Variants in SLC9A9 observed in about 807,000 individuals in gnomAD.
SLC9A9 encodes sodium/hydrogen exchanger 9.
SLC9A9 carries 62 observed loss-of-function variants against 77.8 expected under a neutral mutation model. The observed-to-expected ratio is 0.80, with a 90% CI of 0.65 to 0.98. The LOEUF (loss-of-function observed/expected upper bound fraction) is 0.98. SLC9A9 is among the 50% of genes least tolerant of loss of function. SLC9A9 has a pLI of 0.00. For missense variants in SLC9A9, 775 were observed against 774.9 expected (o/e 1.00, Z 0.00); for synonymous variants, 320 against 283.5 (o/e 1.13, Z -1.29).
chr3:143,746,701 T>C (rs1281161240), intron 4 of SLC9A9, among the ~76,000 whole-genome samples: 2 of 152,324 alleles, frequency 1.3e-5, no homozygotes, highest in South Asian at 2.1e-4. Context: ...ATAATTTCTT[T>C]TCAGGGTGGT....
At chr3:143,421,429 A>G (rs2034294511) in intron 12 of SLC9A9, among the ~76,000 whole-genome samples, 1 of 152,222 alleles carries the variant, frequency 6.6e-6, no homozygotes, top group African/African-American at 2.4e-5. Flanking sequence ...GACCAACTGA[A>G]CAGAATAGAA....
intron 9 of SLC9A9, among the ~76,000 whole-genome samples, chr3:143,551,400 T>C (rs1176400703): frequency 6.6e-6 from 1 of 152,238 alleles, no homozygotes; most frequent in East Asian, 1.9e-4. Flanking sequence ...CTGCTGTCAC[T>C]GTATCCCACT....
At chr3:143,280,314 G>C (rs988653325) in intron 14 of SLC9A9, among the ~76,000 whole-genome samples, 6 of 152,168 alleles carry the variant, frequency 3.9e-5, no homozygotes, top group African/African-American at 1.4e-4. Context: ...AACCCATTGA[G>C]TTTGTTATAC....
At chr3:143,468,209 T>C (rs1036233369) in intron 11 of SLC9A9, among the ~76,000 whole-genome samples, 4 of 152,230 alleles carry the variant, frequency 2.6e-5, no homozygotes, top group Admixed American at 1.3e-4. Flanking sequence ...CTAGGTAGTA[T>C]AGTATTTGCA....
chr3:143,412,365 C>T (rs2034111807), intron 12 of SLC9A9, among the ~76,000 whole-genome samples: 1 of 152,182 alleles, frequency 6.6e-6, no homozygotes, highest in Middle Eastern at 3.4e-3. Flanking sequence ...ATGTTGTCTC[C>T]TAAAGTGCAG....
At position 143,837,484 on chromosome 3, in the gene SLC9A9, G is replaced by T. The variant is rs373949146; in HGVS notation, c.176-5263C>A. ...ACCAAGAATAATCTAGATTCATGAG[G>T]CATCGCCAATTCTCTAAAATAAGAA... On this transcript the variant is annotated intron_variant, in intron 1 of 15. Transcript: ENST00000316549. 5.3e-5 allele frequency among the ~76,000 whole-genome samples: 8 copies of T among 152,256 alleles called. No homozygotes were observed. The East Asian group carries it at 1.5e-3, about 29-fold the overall frequency.
chr3:143,283,295 A>G (rs553746288), intron 14 of SLC9A9, among the ~76,000 whole-genome samples: 28 of 152,102 alleles, frequency 1.8e-4, no homozygotes, highest in African/African-American at 6.5e-4. Flanking sequence ...GGTGTAGGAG[A>G]CGGGTGGGCA....
At chr3:143,580,657 T>C (rs2037436703) in intron 6 of SLC9A9, among the ~76,000 whole-genome samples, 1 of 152,266 alleles carries the variant, frequency 6.6e-6, no homozygotes, top group East Asian at 1.9e-4. Context: ...TTCACCTGTA[T>C]GTCACCTAAA....
rs188191457 is a variant in SLC9A9 at position 143,277,672 on chromosome 3, C to T, written c.1605-8692G>A. 2.4e-3 allele frequency among the ~76,000 whole-genome samples: 358 copies of T among 152,220 alleles called. 1 individual carries two copies. Among genetic ancestry groups the T allele is most frequent in the Middle Eastern group, 0.01 (3 of 294 alleles). Reference sequence around the variant, plus strand: ...TTGTTTTGAAAGAAAACATTTCTGGCGAAGAATGCTGCTGCCACTTGCATA... The same window carrying T: ...TTGTTTTGAAAGAAAACATTTCTGGTGAAGAATGCTGCTGCCACTTGCATA... On this transcript the variant is annotated intron_variant, in intron 14 of 15. Coordinates refer to ENST00000316549, the MANE Select transcript of SLC9A9 (RefSeq NM_173653.4).
intron 9 of SLC9A9, among the ~76,000 whole-genome samples, chr3:143,532,620 C>G (rs1170825882): frequency 3.3e-5 from 5 of 151,976 alleles, no homozygotes; most frequent in Admixed American, 2.0e-4. Context: ...GGAAAAAAAC[C>G]CTCATTTTAA....
intron 13 of SLC9A9, among the ~76,000 whole-genome samples, chr3:143,365,579 G>A (rs2032877113): frequency 6.6e-6 from 1 of 152,276 alleles, no homozygotes; most frequent in Middle Eastern, 3.4e-3. Context: ...TCTTTTCCTG[G>A]ACATTAGAGT....
intron 9 of SLC9A9, among the ~76,000 whole-genome samples, chr3:143,501,354 T>C (rs942334267): frequency 2.0e-5 from 3 of 150,854 alleles, no homozygotes; most frequent in Admixed American, 6.6e-5. Flanking sequence ...TAACTTTCAC[T>C]CACTTTATGG....
chr3:143,442,449 C>T (rs561359366), intron 12 of SLC9A9, among the ~76,000 whole-genome samples: 178 of 152,290 alleles, frequency 1.2e-3, no homozygotes, highest in South Asian at 2.1e-3. Flanking sequence ...GGGCTGGGCA[C>T]GGTGGCTCAT....
At chr3:143,687,029 A>G (rs1369700608) in intron 5 of SLC9A9, among the ~76,000 whole-genome samples, 1 of 151,962 alleles carries the variant, frequency 6.6e-6, no homozygotes, top group Non-Finnish European at 1.5e-5. Flanking sequence ...TTCACTGTCC[A>G]CTTGTTAAGT....
intron 6 of SLC9A9, among the ~76,000 whole-genome samples, chr3:143,622,477 A>T (rs1002190112): frequency 6.6e-6 from 1 of 152,234 alleles, no homozygotes; most frequent in Non-Finnish European, 1.5e-5. Context: ...TGTTAAGGAA[A>T]AGAATTTTCA....
Position 143,317,949 on chromosome 3 carries a change from G to A in SLC9A9, c.1604+45535C>T, listed in dbSNP as rs6803673. ...TCACCGTGTTAGCCAGGATGGTCTCGATCTCCTGACCTCATGATCTGCCCA... is the reference window on the plus strand; with the variant it reads ...TCACCGTGTTAGCCAGGATGGTCTCAATCTCCTGACCTCATGATCTGCCCA... On this transcript the variant is annotated intron_variant, in intron 14 of 15. Coordinates refer to ENST00000316549, the MANE Select transcript of SLC9A9 (RefSeq NM_173653.4). Among the ~76,000 whole-genome samples the A allele has an allele frequency of 4.0e-3, 611 of 152,188 alleles. 6 individuals carry two copies. The highest frequency in any genetic ancestry group is 0.013 in the African/African-American group (531 of 41,514).
chr3:143,403,069 T>A (rs1260908234), intron 12 of SLC9A9, among the ~76,000 whole-genome samples: 2 of 152,102 alleles, frequency 1.3e-5, no homozygotes, highest in African/African-American at 4.8e-5. Flanking sequence ...TTTAACAACA[T>A]CCTTTGTGCT....
chr3:143,609,610 C>T (rs1328374903), intron 6 of SLC9A9, among the ~76,000 whole-genome samples: 1 of 152,160 alleles, frequency 6.6e-6, no homozygotes, highest in Non-Finnish European at 1.5e-5. Flanking sequence ...CCAAGTCCCA[C>T]TTCCAGACCT....
intron 6 of SLC9A9, among the ~76,000 whole-genome samples, chr3:143,602,512 A>G (rs572027534): frequency 2.6e-5 from 4 of 152,326 alleles, no homozygotes; most frequent in African/African-American, 9.6e-5. Flanking sequence ...AGACATTTTT[A>G]ATGCTTAAAT....
Sources: gnomAD v4.1 joint callset for allele counts (sites outside exome capture counted in the v4.1 genomes callset) on GRCh38, gnomAD v4.1.1 for gene constraint, MANE v1.5 for transcripts, NCBI Gene and HGNC (gene_info 2026-07-23, HGNC 2026-07-21) for gene names.